Variants in GPR26 observed in about 807,000 individuals in gnomAD.
GPR26 encodes G protein-coupled receptor 26.
Under a neutral mutation model 23.1 loss-of-function variants are expected in GPR26, and 15 were observed. That is an observed-to-expected ratio of 0.65 (90% CI 0.43 to 1.00). The LOEUF (loss-of-function observed/expected upper bound fraction) is 1.00, where lower values mean the gene tolerates loss of function less well. Ranked by LOEUF, GPR26 falls within the 50% of genes least tolerant of loss-of-function variation. The pLI, the probability that GPR26 is intolerant of heterozygous loss-of-function variation, is 0.00. For synonymous variants in GPR26, 228 were observed against 222.1 expected, an observed-to-expected ratio of 1.03 and a Z score of -0.24; for missense variants, 359 against 470.5, an observed-to-expected ratio of 0.76 and a Z score of 2.19.
intron 1 of GPR26, among the ~76,000 whole-genome samples, chr10:123,670,587 A>G (rs1050584967): frequency 3.4e-4 from 51 of 152,158 alleles, no homozygotes; most frequent in Non-Finnish European, 5.9e-4. Context: ...TTGGGGATCA[A>G]CCTCATATGT....
chr10:123,672,310 C>T (rs1269251152), intron 1 of GPR26, among the ~76,000 whole-genome samples: 4 of 152,176 alleles, frequency 2.6e-5, no homozygotes, highest in Non-Finnish European at 5.9e-5. Flanking sequence ...GCCGACCTTT[C>T]ATACTATACA....
intron 1 of GPR26, among the ~76,000 whole-genome samples, chr10:123,669,106 T>A (rs1357723681): frequency 6.6e-6 from 1 of 152,206 alleles, no homozygotes; most frequent in South Asian, 2.1e-4. Flanking sequence ...GAAGAGCCCC[T>A]GCTCCCAGTG....
chr10:123,686,946 T>C (rs1021267191), intron 2 of GPR26, among the ~76,000 whole-genome samples: 4 of 152,204 alleles, frequency 2.6e-5, no homozygotes, highest in African/African-American at 9.6e-5. Context: ...TTCTATTTCA[T>C]GTTAATGCTG....
chr10:123,689,282 A>C lies in GPR26; in HGVS notation c.*1122A>C, dbSNP rs1391940589. 2.0e-5 allele frequency: 3 copies of C among 149,968 alleles called. No individual in the cohort carries two copies. Among genetic ancestry groups the C allele is most frequent in the Admixed American group, 1.3e-4 (2 of 15,032 alleles). The allele number at this position is 149,968 out of a possible 1,614,324, so 9.3% of individuals were successfully genotyped here. On this transcript the variant is annotated 3_prime_UTR_variant, in exon 3 of 3. Transcript: ENST00000284674. The stretch of plus-strand genomic sequence containing the variant: ...TTTTTTTTTTCGAGATGGGAGTTTC[A>C]CTCTTATTGCCCAGGCTAGAGTGCA...
Position 123,695,604 on chromosome 10 carries a change from C to T in GPR26, c.*7444C>T, listed in dbSNP as rs1333342346. Among the ~76,000 whole-genome samples, 1 of 152,032 alleles carries T rather than the reference C, an allele frequency of 6.6e-6. No individual in the cohort carries two copies. The highest frequency in any genetic ancestry group is 2.4e-5 in the African/African-American group (1 of 41,374). On this transcript the variant is annotated 3_prime_UTR_variant, in exon 3 of 3. Transcript: ENST00000284674. Reference sequence around the variant, plus strand: ...GTTGACACTCAATTGATTGGGTGACCCAAGATGGTCAGTTTCCTAAGGACC... The same window carrying T: ...GTTGACACTCAATTGATTGGGTGACTCAAGATGGTCAGTTTCCTAAGGACC...
Position 123,690,438 on chromosome 10 carries a change from G to A in GPR26, c.*2278G>A, listed in dbSNP as rs538563800. On this transcript the variant is annotated 3_prime_UTR_variant, in exon 3 of 3. Coordinates refer to ENST00000284674, the MANE Select transcript of GPR26 (RefSeq NM_153442.4). ...ATGCTCTTTCTGCTTTCTCTGTACT[G>A]TATAGGCAACATGTTGTACTCCCAG... is the stretch of plus-strand genomic sequence containing the variant. 2 of 152,232 alleles carry A rather than the reference G, an allele frequency of 1.3e-5. No individual in the cohort carries two copies. The highest frequency in any genetic ancestry group is 4.8e-5 in the African/African-American group (2 of 41,528). The allele number at this position is 152,232 out of a possible 1,614,324, so 9.4% of individuals were successfully genotyped here.
intron 2 of GPR26, among the ~76,000 whole-genome samples, chr10:123,684,701 T>G (rs1299540535): frequency 6.6e-6 from 1 of 152,230 alleles, no homozygotes; most frequent in Non-Finnish European, 1.5e-5. Flanking sequence ...TGTGTGTGTG[T>G]CTCTGTCCAA....
At position 123,693,778 on chromosome 10, in the gene GPR26, G is replaced by A. The variant is rs544179308; in HGVS notation, c.*5618G>A. 2.0e-5 allele frequency: 3 copies of A among 152,350 alleles called. No individual in the cohort carries two copies. The highest frequency in any genetic ancestry group is 7.2e-5 in the African/African-American group (3 of 41,556). 9.4% of individuals were successfully genotyped at this position (152,350 alleles called of 1,614,324 possible). On this transcript the variant is annotated 3_prime_UTR_variant, in exon 3 of 3. Transcript: ENST00000284674. The stretch of plus-strand genomic sequence containing the variant: ...AAGAGCAGGAGCCAGACACATTTGG[G>A]GGTTGACTGTCTAGAAAGGAGGAAT...
Position 123,674,427 on chromosome 10 carries a change from A to C in GPR26, c.669-391A>C, listed in dbSNP as rs191678275. ...ATGATCAGTGAATGATATGAGCAAT[A>C]ATAAGAGGTAATGTTTAATGTTTCT... On this transcript the variant is annotated intron_variant, in intron 1 of 2. Coordinates refer to ENST00000284674, the MANE Select transcript of GPR26 (RefSeq NM_153442.4). The surrounding 1 kb of genome is among the most constrained non-coding windows in gnomAD (Gnocchi z 4.1). 3.3e-5 allele frequency among the ~76,000 whole-genome samples: 5 copies of C among 152,304 alleles called. No individual in the cohort carries two copies. The highest frequency in any genetic ancestry group is 1.3e-4 in the Admixed American group (2 of 15,302).
At chr10:123,671,718 GT>G (rs1845251956) in intron 1 of GPR26, among the ~76,000 whole-genome samples, 1 of 152,210 alleles carries the variant, frequency 6.6e-6, no homozygotes, top group African/African-American at 2.4e-5. Context: ...ATGGCAGGCA[GT>G]GGGGTCTCAG....
rs1003270023 is a variant in GPR26, at chr10:123,696,906, T to C, written c.*8746T>C. Among the ~76,000 whole-genome samples, 2 of 152,196 alleles carry C rather than the reference T, an allele frequency of 1.3e-5. No individual in the cohort carries two copies. Among genetic ancestry groups the C allele is most frequent in the African/African-American group, 4.8e-5 (2 of 41,430 alleles). Reference sequence around the variant, plus strand: ...GTATATGCATACGGGTGAATGTTTGTGTGCCCATGAGTATATGCATATGGG... The same window carrying C: ...GTATATGCATACGGGTGAATGTTTGCGTGCCCATGAGTATATGCATATGGG... On this transcript the variant is annotated 3_prime_UTR_variant, in exon 3 of 3. Coordinates refer to ENST00000284674, the MANE Select transcript of GPR26 (RefSeq NM_153442.4).
At chr10:123,675,817 TACGTGTGTGTGTGTAC>T (rs1845300767) in intron 2 of GPR26, among the ~76,000 whole-genome samples, 1 of 33,432 alleles carries the variant, frequency 3.0e-5, no homozygotes, top group Non-Finnish European at 7.8e-5. Flanking sequence ...TGTGTGTGTG[TACGTGTGTGTGTGTAC>T]GTGTGTGTGT....
At chr10:123,667,977 T>C (rs1257885327) in intron 1 of GPR26, among the ~76,000 whole-genome samples, 1 of 152,206 alleles carries the variant, frequency 6.6e-6, no homozygotes, top group African/African-American at 2.4e-5. Flanking sequence ...GTCTGGACTC[T>C]GCTATTTTAC....
rs1161002002 is a variant in GPR26 at position 123,691,938 on chromosome 10, T to C, written c.*3778T>C. 6.6e-6 allele frequency: 1 copy of C among 152,238 alleles called. No homozygotes were observed. The highest frequency in any genetic ancestry group is 1.5e-5 in the Non-Finnish European group (1 of 68,044). The allele number at this position is 152,238 out of a possible 1,614,324, so 9.4% of individuals were successfully genotyped here. On this transcript the variant is annotated 3_prime_UTR_variant, in exon 3 of 3. Transcript: ENST00000284674. ...ATCTTAGACACTTGGATAAACTCTA[T>C]AGAAAATTGAGTGTTTCTATTAATA...
Position 123,694,532 on chromosome 10 carries a change from G to T in GPR26, c.*6372G>T, listed in dbSNP as rs891703293. 1 of 144,690 alleles carries T rather than the reference G, an allele frequency of 6.9e-6. No individual in the cohort carries two copies. The highest frequency in any genetic ancestry group is 2.5e-5 in the African/African-American group (1 of 40,396). The allele number at this position is 144,690 out of a possible 1,614,324, so 9.0% of individuals were successfully genotyped here. Reference sequence around the variant, plus strand: ...GCTACCAAAAAAGAGAAGGAAGAAAGAAAAGAAATAAGAAGAGAAGCAAGA... The same window carrying T: ...GCTACCAAAAAAGAGAAGGAAGAAATAAAAGAAATAAGAAGAGAAGCAAGA... On this transcript the variant is annotated 3_prime_UTR_variant, in exon 3 of 3. Transcript: ENST00000284674.
At chr10:123,675,823 T>TGTGTGTAC (rs1564731084) in intron 2 of GPR26, among the ~76,000 whole-genome samples, 4 of 140,482 alleles carry the variant, frequency 2.8e-5, no homozygotes, top group Non-Finnish European at 6.1e-5. Flanking sequence ...TGTGTACGTG[T>TGTGTGTAC]GTGTGTGTAC....
chr10:123,688,148 G>C lies in GPR26; in HGVS notation c.1002G>C (p.Pro334=), dbSNP rs146348282. The C allele has an allele frequency of 6.2e-7, 1 of 1,609,510 alleles. No individual in the cohort carries two copies. The highest frequency in any genetic ancestry group is 8.5e-7 in the Non-Finnish European group (1 of 1,177,572). The change falls in exon 3 of 3, where the codon CCG becomes CCC. Residue 334 remains proline, a synonymous_variant. Transcript: ENST00000284674. ...TGDSHSQNIL[P]VSE is the part of the protein sequence containing the mutation. Reference sequence around the variant, plus strand: ...ACTCTCACAGCCAGAACATTCTGCCGGTGTCTGAGTGAAGGACCGCGCTCC... The same window carrying C: ...ACTCTCACAGCCAGAACATTCTGCCCGTGTCTGAGTGAAGGACCGCGCTCC...
At chr10:123,682,384 T>C (rs1845387421) in intron 2 of GPR26, among the ~76,000 whole-genome samples, 2 of 152,320 alleles carry the variant, frequency 1.3e-5, no homozygotes, top group South Asian at 4.1e-4. Context: ...ACTTGTGTAC[T>C]GGGGCACACG....
chr10:123,689,047 C>T lies in GPR26; in HGVS notation c.*887C>T, dbSNP rs1845462108. 6.6e-6 allele frequency: 1 copy of T among 152,172 alleles called. No individual in the cohort carries two copies. The highest frequency in any genetic ancestry group is 2.4e-5 in the African/African-American group (1 of 41,438). 9.4% of individuals were successfully genotyped at this position (152,172 alleles called of 1,614,324 possible). ...CCTGAATTTACAGGAAGTGTTTCAA[C>T]TTGTCTTATGCATCTTATCTGGCAT... is the stretch of plus-strand genomic sequence containing the variant. On this transcript the variant is annotated 3_prime_UTR_variant, in exon 3 of 3. Coordinates refer to ENST00000284674, the MANE Select transcript of GPR26 (RefSeq NM_153442.4).
Sources: gnomAD v4.1 joint callset for allele counts (sites outside exome capture counted in the v4.1 genomes callset) on GRCh38, gnomAD v4.1.1 for gene constraint, Gnocchi (gnomAD v3.1) non-coding constraint, MANE v1.5 for transcripts, NCBI Gene and HGNC (gene_info 2026-07-23, HGNC 2026-07-21) for gene names.